HHAT: variants seen among roughly 807,000 people sequenced by gnomAD.
HHAT encodes protein-cysteine N-palmitoyltransferase HHAT.
Under a neutral mutation model 70.8 loss-of-function variants are expected in HHAT, and 47 were observed. That is an observed-to-expected ratio of 0.66 (90% confidence interval 0.53 to 0.85). HHAT has a LOEUF of 0.85. Among genes scored for constraint, HHAT ranks in the 40% least tolerant of loss-of-function variants. The probability of loss-of-function intolerance (pLI) is 0.00; values close to 1 mark genes in which losing one functional copy is unlikely to be tolerated. For missense variants in HHAT, 609 were observed against 604.8 expected (o/e 1.01, Z -0.07); for synonymous variants, 228 against 247.6 (o/e 0.92, Z 0.74).
At chr1:210,469,876 C>T (rs2094170681) in intron 8 of HHAT, among the ~76,000 whole-genome samples, 1 of 151,936 alleles carries the variant, frequency 6.6e-6, no homozygotes, top group Admixed American at 6.6e-5. Context: ...GCTGAATGTG[C>T]AGGTTTGTTA....
At chr1:210,671,090 G>A (rs1166283438) in intron 11 of HHAT, among the ~76,000 whole-genome samples, 2 of 152,194 alleles carry the variant, frequency 1.3e-5, no homozygotes, top group Non-Finnish European at 2.9e-5. Flanking sequence ...TTACGCGGAA[G>A]CTTTCACAGG....
intron 9 of HHAT, among the ~76,000 whole-genome samples, chr1:210,541,168 TAA>T (rs1421139174): frequency 2.1e-5 from 3 of 140,356 alleles, no homozygotes; most frequent in African/African-American, 5.0e-5. Context: ...TGAAAAAATA[TAA>T]GACAATATAT....
At chr1:210,504,303 AAGG>A (rs530483814) in intron 8 of HHAT, among the ~76,000 whole-genome samples, 283 of 152,336 alleles carry the variant, frequency 1.9e-3, no homozygotes, top group Non-Finnish European at 3.3e-3. Context: ...AATGACGTCT[AAGG>A]AGGAGAGAAA....
chr1:210,329,102 G>GAC lies in HHAT; in HGVS notation c.-45_-44insCA. 7.2e-7 allele frequency: 1 copy of GAC among 1,394,338 alleles called. No individual in the cohort carries two copies. Among genetic ancestry groups the GAC allele is most frequent in the Non-Finnish European group, 9.3e-7 (1 of 1,073,236 alleles). 86.4% of individuals were successfully genotyped at this position (1,394,338 alleles called of 1,614,324 possible). On this transcript the variant is annotated splice_region_variant and 5_prime_UTR_variant, in exon 1 of 12. The change creates a premature stop within an existing upstream ORF in the 5' untranslated region. Transcript: ENST00000261458. Reference sequence around the variant, plus strand: ...CGTCGCCGCCGCCCGGGACAGCCCGGAGGTTGGTAACTGGTGACCATAGGG... The same window carrying GAC: ...CGTCGCCGCCGCCCGGGACAGCCCGGACAGGTTGGTAACTGGTGACCATAGGG...
At chr1:210,495,530 T>G (rs1475275388) in intron 8 of HHAT, among the ~76,000 whole-genome samples, 1 of 152,184 alleles carries the variant, frequency 6.6e-6, no homozygotes, top group Non-Finnish European at 1.5e-5. Context: ...AAGTAATAGA[T>G]ATGGATATGG....
intron 10 of HHAT, 87 bp downstream of exon 10, chr1:210,588,186 C>A: frequency 1.8e-6 from 2 of 1,132,174 alleles, no homozygotes; most frequent in South Asian, 1.5e-5. Flanking sequence ...GATTCCCTGC[C>A]CCCACTATGG....
intron 8 of HHAT, among the ~76,000 whole-genome samples, chr1:210,508,628 C>T (rs1206344313): frequency 1.3e-5 from 2 of 152,058 alleles, no homozygotes; most frequent in South Asian, 2.1e-4. Flanking sequence ...GATAATGGCT[C>T]TTATGAAGAG....
chr1:210,515,353 A>G (rs1024758689), intron 9 of HHAT, among the ~76,000 whole-genome samples: 7 of 152,110 alleles, frequency 4.6e-5, no homozygotes, highest in Non-Finnish European at 4.4e-5. Context: ...CTTGGGAGTA[A>G]GGGGTAGGGG....
intron 9 of HHAT, among the ~76,000 whole-genome samples, chr1:210,515,736 C>T (rs1206705619): frequency 3.0e-4 from 36 of 119,434 alleles, no homozygotes; most frequent in African/African-American, 8.1e-4. Context: ...CCAGCCTGGG[C>T]GATACAGCGA....
intron 9 of HHAT, among the ~76,000 whole-genome samples, chr1:210,567,775 C>G (rs1043326282): frequency 2.0e-5 from 3 of 152,092 alleles, no homozygotes; most frequent in African/African-American, 7.2e-5. Context: ...GGAGAGAGAG[C>G]CTTGCTTATA....
intron 10 of HHAT, chr1:210,589,796 C>A (rs1374474253): frequency 6.6e-6 from 1 of 152,222 alleles, no homozygotes; most frequent in African/African-American, 2.4e-5. Flanking sequence ...GAAGCTCTTG[C>A]TTGTCTACCT....
intron 11 of HHAT, among the ~76,000 whole-genome samples, chr1:210,656,848 T>C (rs1158220568): frequency 2.0e-5 from 3 of 152,126 alleles, no homozygotes; most frequent in Non-Finnish European, 2.9e-5. Flanking sequence ...ACCCCCTAAA[T>C]GCCCTGTGCT....
intron 11 of HHAT, among the ~76,000 whole-genome samples, chr1:210,656,684 G>A (rs12123726): frequency 0.26 from 38,953 of 152,092 alleles, 5,985 homozygotes; most frequent in South Asian, 0.36. Context: ...GAGATGTGGG[G>A]TCTTCTGTAT....
chr1:210,569,373 CAAAA>C (rs71146233), intron 9 of HHAT, among the ~76,000 whole-genome samples: 40 of 28,342 alleles, frequency 1.4e-3, no homozygotes, highest in South Asian at 7.3e-3. Flanking sequence ...GAGTCTGCCT[CAAAA>C]AAAAAAAAAA....
intron 4 of HHAT, among the ~76,000 whole-genome samples, chr1:210,393,249 G>A (rs1261401227): frequency 1.3e-5 from 2 of 152,146 alleles, no homozygotes; most frequent in Non-Finnish European, 2.9e-5. Flanking sequence ...TCATCTGCTG[G>A]CATTTGCTCC....
intron 2 of HHAT, among the ~76,000 whole-genome samples, chr1:210,351,897 G>A (rs1264222092): frequency 6.6e-6 from 1 of 152,180 alleles, no homozygotes; most frequent in Non-Finnish European, 1.5e-5. Context: ...TTGAAGGGAA[G>A]GAAAGACTGC....
chr1:210,626,093 C>T (rs1235862038), intron 11 of HHAT, among the ~76,000 whole-genome samples: 7 of 152,006 alleles, frequency 4.6e-5, no homozygotes, highest in African/African-American at 9.7e-5. Flanking sequence ...GGGTCAAGGG[C>T]GTAAAGATTG....
intron 11 of HHAT, among the ~76,000 whole-genome samples, chr1:210,627,554 G>C (rs1237160974): frequency 6.6e-6 from 1 of 152,066 alleles, no homozygotes; most frequent in Non-Finnish European, 1.5e-5. Flanking sequence ...CCCCTGCCCT[G>C]CTGTCTAAAG....
chr1:210,644,500 G>C (rs1382927448), intron 11 of HHAT, among the ~76,000 whole-genome samples: 1 of 149,872 alleles, frequency 6.7e-6, no homozygotes, highest in African/African-American at 2.5e-5. Flanking sequence ...CTACTTAGGA[G>C]TCTGAGGCAG....
Sources: allele counts gnomAD v4.1 joint callset (sites outside exome capture counted in the v4.1 genomes callset), GRCh38; gene constraint gnomAD v4.1.1; transcripts MANE v1.5; gene names NCBI Gene and HGNC (gene_info 2026-07-23, HGNC 2026-07-21).